CNGB3: variants seen among roughly 807,000 people sequenced by gnomAD.
CNGB3 encodes cyclic nucleotide gated channel subunit beta 3, also known as cyclic nucleotide-gated channel beta-3.
Under a neutral mutation model 92.8 loss-of-function variants are expected in CNGB3, and 86 were observed. That is an observed-to-expected ratio of 0.93 (90% CI 0.78 to 1.11). The LOEUF (loss-of-function observed/expected upper bound fraction) is 1.11. Among genes scored for constraint, CNGB3 ranks in the 50% least tolerant of loss-of-function variants. The pLI is 0.00. For synonymous variants in CNGB3, 333 were observed against 332.7 expected (o/e 1.00, Z -0.01); for missense variants, 1,026 against 956.8 (o/e 1.07, Z -0.95).
At chr8:86,667,901 T>G (rs1823775408) in intron 5 of CNGB3, 118 bp downstream of exon 5, 2 of 1,122,926 alleles carry the variant, frequency 1.8e-6, no homozygotes, top group African/African-American at 1.6e-5. Context: ...AAATTCTGCT[T>G]CCTAGTTAGA....
At chr8:86,593,126 A>T (rs1026940323) in intron 15 of CNGB3, among the ~76,000 whole-genome samples, 4 of 152,210 alleles carry the variant, frequency 2.6e-5, no homozygotes, top group Non-Finnish European at 5.9e-5. Flanking sequence ...TTTTAACAAA[A>T]TTAGAGAGTT....
chr8:86,743,385 A>G, intron 1 of CNGB3, 114 bp downstream of exon 1: 1 of 1,130,854 alleles, frequency 8.8e-7, no homozygotes, highest in Non-Finnish European at 1.3e-6. Context: ...TACATGTACC[A>G]GATGGTGCCA....
At chr8:86,617,369 A>C (rs1822640607) in intron 13 of CNGB3, among the ~76,000 whole-genome samples, 1 of 152,152 alleles carries the variant, frequency 6.6e-6, no homozygotes, top group Admixed American at 6.5e-5. Flanking sequence ...AAGTATAAGC[A>C]ATGGTCTTCA....
chr8:86,604,580 T>C (rs1822378240), intron 14 of CNGB3, among the ~76,000 whole-genome samples: 1 of 152,186 alleles, frequency 6.6e-6, no homozygotes, highest in African/African-American at 2.4e-5. Context: ...AGTTGCTTGG[T>C]CTAGCCAAAG....
In CNGB3 at chr8:86,694,246, T is replaced by C. The variant is rs1398292014; in HGVS notation, c.339-23148A>G. On this transcript the variant is annotated intron_variant, in intron 3 of 17. Coordinates refer to ENST00000320005, the MANE Select transcript of CNGB3 (RefSeq NM_019098.5). ...GGGGCTGACCCCCCCACCTCCCTCC[T>C]GGATGGGGCGGCTGGCCGGGCAAAG... Among the ~76,000 whole-genome samples the C allele has an allele frequency of 1.6e-4, 20 of 121,730 alleles. No individual in the cohort carries two copies. In the East Asian group the frequency reaches 4.4e-3, roughly 27 times the overall value. The allele number at this position is 121,730 out of a possible 152,430, so 79.9% of individuals were successfully genotyped here. A position where few individuals can be genotyped will look rare whatever the true frequency, so the allele number is the denominator to read the frequency against.
At chr8:86,734,121 G>C (rs147654622) in intron 2 of CNGB3, among the ~76,000 whole-genome samples, 30 of 152,276 alleles carry the variant, frequency 2.0e-4, no homozygotes, top group African/African-American at 6.7e-4. Flanking sequence ...GGCTCCCAAA[G>C]CACTGGGATT....
rs528978114 is a variant in CNGB3 at position 86,680,352 on chromosome 8, C to G, written c.339-9254G>C. On this transcript the variant is annotated intron_variant, in intron 3 of 17. Coordinates refer to ENST00000320005, the MANE Select transcript of CNGB3 (RefSeq NM_019098.5). ...GCTCACAGTTGTAAAGTGCTCAGAA[C>G]AGTGTTGATGTTAATGAAAAAAACC... Among the ~76,000 whole-genome samples, 16 of 152,258 alleles carry G rather than the reference C, an allele frequency of 1.1e-4. No homozygotes were observed. The South Asian group carries it at 3.3e-3, about 32-fold the overall frequency.
intron 11 of CNGB3, among the ~76,000 whole-genome samples, chr8:86,630,042 T>G (rs1252253048): frequency 1.3e-5 from 2 of 152,180 alleles, no homozygotes; most frequent in African/African-American, 4.8e-5. Flanking sequence ...CTAGCTCAAA[T>G]GGCTCTTTTT....
chr8:86,731,652 A>C (rs1825157310), intron 2 of CNGB3, among the ~76,000 whole-genome samples: 1 of 152,182 alleles, frequency 6.6e-6, no homozygotes, highest in Admixed American at 6.5e-5. Flanking sequence ...TACTGAACAG[A>C]GACCTGTAAT....
chr8:86,666,924 CTATTA>C lies in CNGB3; in HGVS notation c.848_852del (p.Ile283SerfsTer5). 6.2e-7 allele frequency: 1 copy of C among 1,611,134 alleles called. No individual in the cohort carries two copies. Among genetic ancestry groups the C allele is most frequent in the Non-Finnish European group, 8.5e-7 (1 of 1,178,864 alleles). ...TTCTGCCTTTCCCGAACCCCACTTA[CTATTA>C]TGTCTCCTCCTCTTACAAACTGGAG... On this transcript the variant is annotated frameshift_variant and splice_region_variant, in exon 6 of 18. Coordinates refer to ENST00000320005, the MANE Select transcript of CNGB3 (RefSeq NM_019098.5). LOFTEE classifies it high-confidence loss of function.
chr8:86,593,525 C>T (rs1459586194), intron 15 of CNGB3, among the ~76,000 whole-genome samples: 1 of 152,046 alleles, frequency 6.6e-6, no homozygotes, highest in Non-Finnish European at 1.5e-5. Flanking sequence ...GACCATATCA[C>T]TTTGGTGAGC....
At position 86,697,578 on chromosome 8, in the gene CNGB3, T is replaced by C. The variant is rs1382428730; in HGVS notation, c.339-26480A>G. On this transcript the variant is annotated intron_variant, in intron 3 of 17. Transcript: ENST00000320005. The stretch of plus-strand genomic sequence containing the variant: ...TTTCAAATTATTTACTAAAATAATA[T>C]TAATTGGACTTTAAAAAAATTTTAG... Among the ~76,000 whole-genome samples, 10 of 152,348 alleles carry C rather than the reference T, an allele frequency of 6.6e-5. No homozygotes were observed. The East Asian group carries it at 1.5e-3, about 23-fold the overall frequency.
chr8:86,629,387 G>A (rs1822915428), intron 11 of CNGB3, among the ~76,000 whole-genome samples: 1 of 152,164 alleles, frequency 6.6e-6, no homozygotes, highest in Non-Finnish European at 1.5e-5. Context: ...ATTCAGCCAT[G>A]TAATGCATAG....
intron 3 of CNGB3, among the ~76,000 whole-genome samples, chr8:86,703,237 C>T (rs995014411): frequency 2.7e-5 from 4 of 149,876 alleles, no homozygotes; most frequent in Non-Finnish European, 5.9e-5. Context: ...TTTATAATAA[C>T]ATGGGACTCT....
At chr8:86,649,942 T>C (rs555921573) in intron 7 of CNGB3, among the ~76,000 whole-genome samples, 194 of 151,376 alleles carry the variant, frequency 1.3e-3, no homozygotes, top group Non-Finnish European at 2.2e-3. Flanking sequence ...CTCAAACAAA[T>C]CAGCAAGAAA....
chr8:86,742,304 C>G (rs1348285095), intron 1 of CNGB3, among the ~76,000 whole-genome samples: 1 of 152,148 alleles, frequency 6.6e-6, no homozygotes, highest in South Asian at 2.1e-4. Context: ...TGTATGAGTT[C>G]TTAAACATAT....
intron 15 of CNGB3, 37 bp downstream of exon 15, chr8:86,604,056 G>T (rs1422076659): frequency 4.5e-6 from 6 of 1,321,410 alleles, no homozygotes; most frequent in East Asian, 2.3e-5. Flanking sequence ...TATGACAAAT[G>T]ATGGACTTCA....
At chr8:86,686,764 A>C (rs540293648) in intron 3 of CNGB3, among the ~76,000 whole-genome samples, 1 of 152,102 alleles carries the variant, frequency 6.6e-6, no homozygotes, top group East Asian at 1.9e-4. Context: ...TTTAAGTGTG[A>C]CTATGGTGAC....
intron 15 of CNGB3, chr8:86,594,130 G>A (rs375659777): frequency 2.4e-5 from 7 of 294,282 alleles, no homozygotes; most frequent in East Asian, 1.8e-4. Context: ...ACAAAACCAC[G>A]GAGGTCTGGG....
Sources: gnomAD v4.1 joint callset for allele counts (sites outside exome capture counted in the v4.1 genomes callset) on GRCh38, gnomAD v4.1.1 for gene constraint, MANE v1.5 for transcripts, NCBI Gene and HGNC (gene_info 2026-07-23, HGNC 2026-07-21) for gene names.